Variants in RGS3 observed in about 807,000 individuals in gnomAD.
RGS3 encodes the protein regulator of G protein signaling 3, also known as regulator of G-protein signalling 3.
A neutral mutation model predicts 132.6 loss-of-function variants in RGS3; 80 were observed. The observed-to-expected ratio is 0.60, with a 90% CI of 0.50 to 0.73. The LOEUF (loss-of-function observed/expected upper bound fraction) is 0.73. Ranked by LOEUF, RGS3 falls within the 30% of genes least tolerant of loss-of-function variation. The pLI is 0.00. For missense variants in RGS3, 1,382 were observed against 1,530.8 expected (o/e 0.90, Z 1.62); for synonymous variants, 598 against 620.6 (o/e 0.96, Z 0.54).
intron 10 of RGS3, among the ~76,000 whole-genome samples, chr9:113,499,159 G>A (rs1365836120): frequency 6.6e-6 from 1 of 150,972 alleles, no homozygotes; most frequent in African/African-American, 2.4e-5. Flanking sequence ...CCTGGGAGGT[G>A]GAGGTTGCAG....
chr9:113,461,709 C>G lies in RGS3; in HGVS notation c.83C>G (p.Ser28Ter). Reference sequence around the variant, plus strand: ...GGCCTCGGTCTTTTCTCTCCTAGGTCACATTCAGACAGCACACCTTTGCCC... The same window carrying G: ...GGCCTCGGTCTTTTCTCTCCTAGGTGACATTCAGACAGCACACCTTTGCCC... The change falls in exon 2 of 25, where the codon TCA (serine) becomes TGA (stop). Residue 28 changes from serine (S) to a stop codon, truncating the protein, a stop_gained and splice_region_variant. Coordinates refer to ENST00000350696, the Ensembl canonical transcript of RGS3. LOFTEE classifies it high-confidence loss of function. 1 of 1,612,798 alleles carries G rather than the reference C, an allele frequency of 6.2e-7. No individual in the cohort carries two copies. The highest frequency in any genetic ancestry group is 8.5e-7 in the Non-Finnish European group (1 of 1,179,574).
rs564514212 is a variant in RGS3 at position 113,566,068 on chromosome 9, A to G, written c.2038-17382A>G. Among the ~76,000 whole-genome samples the G allele has an allele frequency of 2.6e-5, 4 of 152,234 alleles. No individual in the cohort carries two copies. The South Asian group carries it at 8.3e-4, about 32-fold the overall frequency. On this transcript the variant is annotated intron_variant, in intron 19 of 24. Coordinates refer to ENST00000350696, the Ensembl canonical transcript of RGS3. ...GGTGGCCAAAAAGTCGGGACACTGC[A>G]TGGGAGGGGAGCGCTCAGCCAGCAG...
chr9:113,447,988 G>C (rs1409578023), intron 1 of RGS3, among the ~76,000 whole-genome samples: 4 of 151,804 alleles, frequency 2.6e-5, no homozygotes, highest in African/African-American at 9.7e-5. Context: ...CTCATGAGTA[G>C]CTGGGATTAC....
At chr9:113,590,944 T>G (rs1835388910) in intron 20 of RGS3, among the ~76,000 whole-genome samples, 1 of 152,222 alleles carries the variant, frequency 6.6e-6, no homozygotes, top group Non-Finnish European at 1.5e-5. Flanking sequence ...ATCATTATGA[T>G]CCTGATTTTA....
intron 19 of RGS3, among the ~76,000 whole-genome samples, chr9:113,552,747 C>G (rs1833391393): frequency 6.6e-6 from 1 of 152,110 alleles, no homozygotes; most frequent in Non-Finnish European, 1.5e-5. Context: ...ACAATACGGT[C>G]TTCTCATTTG....
intron 19 of RGS3, among the ~76,000 whole-genome samples, chr9:113,538,534 A>T (rs1832776247): frequency 6.6e-6 from 1 of 152,088 alleles, no homozygotes; most frequent in East Asian, 1.9e-4. Flanking sequence ...CAGCCTTCTC[A>T]ATACCTTGGA....
chr9:113,498,921 GAAAAAAAAA>G (rs755573432), intron 10 of RGS3, among the ~76,000 whole-genome samples: 2 of 47,380 alleles, frequency 4.2e-5, no homozygotes, highest in African/African-American at 1.6e-4. Context: ...TGTCTCAATT[GAAAAAAAAA>G]AAAAAAAAAA....
chr9:113,471,282 C>T (rs1176497089), intron 3 of RGS3, among the ~76,000 whole-genome samples: 1 of 152,016 alleles, frequency 6.6e-6, no homozygotes, highest in Non-Finnish European at 1.5e-5. Flanking sequence ...AGTTCCTATT[C>T]CTCTAGCCCT....
chr9:113,541,406 A>G (rs1832897841), intron 19 of RGS3: 7 of 1,613,886 alleles, frequency 4.3e-6, no homozygotes, highest in South Asian at 1.1e-5. Flanking sequence ...TTACCTCACC[A>G]GGACAGACTC....
intron 19 of RGS3, among the ~76,000 whole-genome samples, chr9:113,577,173 A>G (rs939181605): frequency 6.6e-6 from 1 of 152,028 alleles, no homozygotes; most frequent in Non-Finnish European, 1.5e-5. Context: ...TAGTAGAGAC[A>G]GGGTTTTACC....
chr9:113,461,709 C>T, exon 2 of RGS3: 1 of 1,612,798 alleles, frequency 6.2e-7, no homozygotes, highest in Middle Eastern at 1.7e-4. Flanking sequence ...TCTCCTAGGT[C>T]ACATTCAGAC....
chr9:113,527,415 C>T (rs1012175343), intron 17 of RGS3, among the ~76,000 whole-genome samples: 5 of 152,202 alleles, frequency 3.3e-5, no homozygotes, highest in Non-Finnish European at 5.9e-5. Context: ...AGTGTGTTCT[C>T]TTAAACAAAA....
intron 13 of RGS3, 27 bp from the exon 12 acceptor site, chr9:113,508,514 G>T: frequency 6.2e-7 from 1 of 1,612,394 alleles, no homozygotes; most frequent in Non-Finnish European, 8.5e-7. Context: ...CTGGGGCTGA[G>T]GTGGTTTTCC....
At chr9:113,454,133 CGGTT>C (rs1433537028) in intron 1 of RGS3, among the ~76,000 whole-genome samples, 2 of 152,004 alleles carry the variant, frequency 1.3e-5, no homozygotes, top group African/African-American at 4.8e-5. Context: ...TGTCATTTCT[CGGTT>C]GGTTTCTATT....
intron 19 of RGS3, 140 bp from the exon 18 acceptor site, chr9:113,583,310 G>A: frequency 1.4e-6 from 2 of 1,414,696 alleles, no homozygotes; most frequent in Non-Finnish European, 1.9e-6. Flanking sequence ...GGGCTTTGGG[G>A]GTTCCATCTG....
At chr9:113,512,433 A>G (rs1028781883) in intron 14 of RGS3, among the ~76,000 whole-genome samples, 6 of 152,112 alleles carry the variant, frequency 3.9e-5, no homozygotes, top group East Asian at 1.9e-4. Context: ...GGTTTGAGTT[A>G]TCATGGTTTG....
intron 1 of RGS3, among the ~76,000 whole-genome samples, chr9:113,461,496 G>T (rs571530607): frequency 6.6e-6 from 1 of 152,280 alleles, no homozygotes; most frequent in South Asian, 2.1e-4. Context: ...CTTCCAGCAC[G>T]CTACTGAGTA....
intron 14 of RGS3, 91 bp from the exon 13 acceptor site, chr9:113,514,367 C>A: frequency 8.6e-7 from 1 of 1,161,268 alleles, no homozygotes; most frequent in Non-Finnish European, 1.2e-6. Context: ...TGGTTGTTGA[C>A]GGAATGAGTC....
intron 19 of RGS3, among the ~76,000 whole-genome samples, chr9:113,578,358 A>AG (rs1398262168): frequency 6.6e-6 from 1 of 152,210 alleles, no homozygotes. Context: ...CATTGTGAGG[A>AG]GATTCTAGAA....
Sources: gnomAD v4.1 joint callset for allele counts (sites outside exome capture counted in the v4.1 genomes callset) on GRCh38, gnomAD v4.1.1 for gene constraint, MANE v1.5 for transcripts, NCBI Gene and HGNC (gene_info 2026-07-23, HGNC 2026-07-21) for gene names.